PRKN: variants seen among roughly 807,000 people sequenced by gnomAD.
The protein encoded by PRKN is parkin RBR E3 ubiquitin protein ligase.
PRKN carries 56 observed loss-of-function variants against 59.5 expected under a neutral mutation model. The ratio of observed to expected loss-of-function variants is 0.94; its 90% CI spans 0.76 to 1.18. The LOEUF is 1.18. Among genes scored for constraint, PRKN ranks in the 50% most tolerant of loss-of-function variants. The pLI is 0.00. For synonymous variants in PRKN, 250 were observed against 222.1 expected (o/e 1.13, Z -1.12); for missense variants, 657 against 596.4 (o/e 1.10, Z -1.06).
In PRKN at chr6:161,416,308, T is replaced by C. The variant is rs1295585864; in HGVS notation, c.1084-29431A>G. 3.3e-5 allele frequency among the ~76,000 whole-genome samples: 5 copies of C among 152,112 alleles called. No homozygotes were observed. In the East Asian group the frequency reaches 9.6e-4, roughly 29 times the overall value. The stretch of plus-strand genomic sequence containing the variant: ...GCTCTAACATAACTGGAGAGCTTGA[T>C]GACGGATTGGGCTTGTTTTTCTCGG... On this transcript the variant is annotated intron_variant, in intron 9 of 11. Transcript: ENST00000366898.
At chr6:161,580,365 G>A (rs922622428) in intron 7 of PRKN, among the ~76,000 whole-genome samples, 10 of 152,180 alleles carry the variant, frequency 6.6e-5, no homozygotes, top group Admixed American at 2.0e-4. Flanking sequence ...GCCTTGGTAT[G>A]CGGCTCAGGT....
intron 4 of PRKN, among the ~76,000 whole-genome samples, chr6:162,134,732 G>A (rs199885459): frequency 1.0e-3 from 156 of 152,282 alleles, no homozygotes; most frequent in African/African-American, 3.6e-3. Flanking sequence ...CAGCAGCATG[G>A]AGAATTGATT....
intron 4 of PRKN, among the ~76,000 whole-genome samples, chr6:162,110,815 T>C (rs1407897879): frequency 6.6e-6 from 1 of 152,152 alleles, no homozygotes; most frequent in Non-Finnish European, 1.5e-5. Flanking sequence ...TGATGGGATG[T>C]AATGTAAAGT....
rs1778671806 is a variant in PRKN, at chr6:162,073,480, T to G, written c.535-19306A>C. Among the ~76,000 whole-genome samples the G allele has an allele frequency of 3.3e-5, 5 of 152,198 alleles. No homozygotes were observed. In the South Asian group the frequency reaches 1.0e-3, roughly 32 times the overall value. On this transcript the variant is annotated intron_variant, in intron 4 of 11. Coordinates refer to ENST00000366898, the MANE Select transcript of PRKN (RefSeq NM_004562.3). ...TGTGTGTCTGTTTTCTGAGACAGGG[T>G]CTCGCTCTGTCACCCAGGCTTGAGT...
Position 161,488,675 on chromosome 6 carries a change from T to TG in PRKN, c.1083+60178dup, listed in dbSNP as rs1390415313. ...TAATTTTTAAAATTTTTTGTAGAGG[T>TG]GGGGTCTCACTATGTTGCCCAGGCT... On this transcript the variant is annotated intron_variant, in intron 9 of 11. Coordinates refer to ENST00000366898, the MANE Select transcript of PRKN (RefSeq NM_004562.3). This position sits in a 1 kb window ranked among gnomAD's most constrained non-coding sequence, Gnocchi z 4.5. Among the ~76,000 whole-genome samples the TG allele has an allele frequency of 1.3e-5, 2 of 151,734 alleles. No homozygotes were observed. The highest frequency in any genetic ancestry group is 4.8e-5 in the African/African-American group (2 of 41,276).
intron 7 of PRKN, among the ~76,000 whole-genome samples, chr6:161,608,726 G>C (rs1043840831): frequency 6.6e-6 from 1 of 151,460 alleles, no homozygotes; most frequent in African/African-American, 2.4e-5. Context: ...TTTTAGTAGA[G>C]ATGGGGTTTC....
rs987062735 is a variant in PRKN, at chr6:161,471,179, C to T, written c.1083+77675G>A. 2.0e-5 allele frequency among the ~76,000 whole-genome samples: 3 copies of T among 152,028 alleles called. No individual in the cohort carries two copies. The highest frequency in any genetic ancestry group is 7.3e-5 in the African/African-American group (3 of 41,360). On this transcript the variant is annotated intron_variant, in intron 9 of 11. Transcript: ENST00000366898. This position sits in a 1 kb window ranked among gnomAD's most constrained non-coding sequence, Gnocchi z 4.5. ...CACTCCCTCTCAATAGAGGGAGAGA[C>T]AGAGAAAGGCCAGGTAATGAATAGA...
intron 6 of PRKN, among the ~76,000 whole-genome samples, chr6:161,806,508 C>A (rs1474626227): frequency 6.6e-6 from 1 of 152,152 alleles, no homozygotes; most frequent in Non-Finnish European, 1.5e-5. Context: ...GTTTCTTCAA[C>A]AAGAGAGAGT....
chr6:162,286,590 G>A (rs546573270), intron 2 of PRKN, among the ~76,000 whole-genome samples: 7 of 152,310 alleles, frequency 4.6e-5, no homozygotes, highest in East Asian at 3.9e-4. Context: ...ATGCTAGATC[G>A]CTCTCAAGTA....
At chr6:161,398,843 G>A (rs1562420806) in intron 9 of PRKN, among the ~76,000 whole-genome samples, 4 of 152,140 alleles carry the variant, frequency 2.6e-5, no homozygotes, top group Non-Finnish European at 5.9e-5. Flanking sequence ...GTGAGGAGAT[G>A]AGGAGGTTAC....
chr6:162,102,362 T>C (rs1309404973), intron 4 of PRKN, among the ~76,000 whole-genome samples: 1 of 152,236 alleles, frequency 6.6e-6, no homozygotes, highest in East Asian at 1.9e-4. Flanking sequence ...ATGTCTCTTT[T>C]GGTCCTGGCT....
At position 161,503,539 on chromosome 6, in the gene PRKN, A is replaced by ACTT. The variant is rs1338151099; in HGVS notation, c.1083+45312_1083+45314dup. Among the ~76,000 whole-genome samples the ACTT allele has an allele frequency of 6.6e-6, 1 of 152,140 alleles. No individual in the cohort carries two copies. Among genetic ancestry groups the ACTT allele is most frequent in the East Asian group, 1.9e-4 (1 of 5,192 alleles). ...GCTGCAACGGCCCCAGGAGGTAGAT[A>ACTT]CTTATTAATTACCCTCATTTAACAG... On this transcript the variant is annotated intron_variant, in intron 9 of 11. Coordinates refer to ENST00000366898, the MANE Select transcript of PRKN (RefSeq NM_004562.3). The surrounding 1 kb of genome is among the most constrained non-coding windows in gnomAD (Gnocchi z 5.1).
At chr6:161,934,324 C>G (rs1031635287) in intron 6 of PRKN, among the ~76,000 whole-genome samples, 1 of 151,984 alleles carries the variant, frequency 6.6e-6, no homozygotes, top group African/African-American at 2.4e-5. Context: ...TATGAATTAC[C>G]CAGTCTTAGG....
intron 2 of PRKN, among the ~76,000 whole-genome samples, chr6:162,348,651 T>A (rs1458496372): frequency 6.6e-6 from 1 of 152,188 alleles, no homozygotes; most frequent in Admixed American, 6.5e-5. Context: ...AAGTCTCCTA[T>A]GGTTTTGTTG....
intron 7 of PRKN, among the ~76,000 whole-genome samples, chr6:161,648,054 A>C (rs897270420): frequency 1.5e-4 from 23 of 152,220 alleles, no homozygotes; most frequent in African/African-American, 5.3e-4. Context: ...GAATGGGTAG[A>C]AATGCTGAAA....
rs1252414972 is a variant in PRKN, at chr6:161,552,851, C to T, written c.934-3848G>A. Among the ~76,000 whole-genome samples the T allele has an allele frequency of 2.0e-5, 3 of 148,096 alleles. No homozygotes were observed. Among genetic ancestry groups the T allele is most frequent in the Non-Finnish European group, 3.0e-5 (2 of 67,408 alleles). On this transcript the variant is annotated intron_variant, in intron 8 of 11. Transcript: ENST00000366898. This position sits in a 1 kb window ranked among gnomAD's most constrained non-coding sequence, Gnocchi z 4.9. Reference sequence around the variant, plus strand: ...TTGTTACGCGGCTGGAGTACAGTGGCGCAATCTCGGCTCACTGCAACCTTC... The same window carrying T: ...TTGTTACGCGGCTGGAGTACAGTGGTGCAATCTCGGCTCACTGCAACCTTC...
At chr6:161,631,097 G>C (rs892166130) in intron 7 of PRKN, among the ~76,000 whole-genome samples, 5 of 152,168 alleles carry the variant, frequency 3.3e-5, no homozygotes, top group African/African-American at 1.2e-4. Context: ...GAGGAAGAGA[G>C]GGTGGGAGCC....
chr6:161,902,564 A>ATT (rs869148690), intron 6 of PRKN, among the ~76,000 whole-genome samples: 9 of 112,056 alleles, frequency 8.0e-5, no homozygotes, highest in African/African-American at 1.7e-4. Context: ...TTATTTATTT[A>ATT]TTTTTTTTTT....
At chr6:161,909,931 A>G (rs937846295) in intron 6 of PRKN, among the ~76,000 whole-genome samples, 5 of 152,178 alleles carry the variant, frequency 3.3e-5, no homozygotes, top group Admixed American at 6.5e-5. Context: ...AAGAACCTTC[A>G]TGGAAAACAT....
Sources: gnomAD v4.1 joint callset for allele counts (sites outside exome capture counted in the v4.1 genomes callset) on GRCh38, gnomAD v4.1.1 for gene constraint, Gnocchi (gnomAD v3.1) non-coding constraint, MANE v1.5 for transcripts, NCBI Gene and HGNC (gene_info 2026-07-23, HGNC 2026-07-21) for gene names.